Variants in RALYL observed in about 807,000 individuals in gnomAD.
RALYL encodes RALY RNA binding protein like, also known as RNA-binding Raly-like protein.
In RALYL, 29 loss-of-function variants were observed where a neutral mutation model predicts 35.1. That is an observed-to-expected ratio of 0.83 (90% CI 0.61 to 1.13). The LOEUF is 1.13. Ranked by LOEUF, RALYL falls within the 50% of genes most tolerant of loss-of-function variation. The pLI, the probability that RALYL is intolerant of heterozygous loss-of-function variation, is 0.00. For missense variants in RALYL, 359 were observed against 360.4 expected, an observed-to-expected ratio of 1.00 and a Z score of 0.03; for synonymous variants, 120 against 127.6, an observed-to-expected ratio of 0.94 and a Z score of 0.40.
intron 1 of RALYL, among the ~76,000 whole-genome samples, chr8:84,209,284 G>A (rs372722514): frequency 6.6e-6 from 1 of 152,232 alleles, no homozygotes; most frequent in South Asian, 2.1e-4. Context: ...CAAAACATAA[G>A]TGCTGGTTTT....
chr8:84,274,245 GC>G (rs1834906053), intron 1 of RALYL, among the ~76,000 whole-genome samples: 1 of 152,100 alleles, frequency 6.6e-6, no homozygotes, highest in Admixed American at 6.5e-5. Flanking sequence ...TACAAGTCTA[GC>G]AAAATGCCTT....
At chr8:84,524,048 G>A (rs925617331) in intron 1 of RALYL, among the ~76,000 whole-genome samples, 20 of 152,128 alleles carry the variant, frequency 1.3e-4, no homozygotes, top group African/African-American at 4.6e-4. Flanking sequence ...GGATGGCTGG[G>A]TCAAATGGTA....
At chr8:84,210,570 G>A (rs775247594) in intron 1 of RALYL, among the ~76,000 whole-genome samples, 1 of 151,822 alleles carries the variant, frequency 6.6e-6, no homozygotes, top group Non-Finnish European at 1.5e-5. Context: ...AGTATAAATC[G>A]CCTGCTCTTC....
At chr8:84,720,333 C>A (rs1338816361) in intron 2 of RALYL, among the ~76,000 whole-genome samples, 1 of 151,978 alleles carries the variant, frequency 6.6e-6, no homozygotes, top group Admixed American at 6.6e-5. Context: ...GAAAAGATAA[C>A]CCAGAAATAA....
chr8:84,597,906 G>A (rs577639207), intron 2 of RALYL, among the ~76,000 whole-genome samples: 1 of 152,230 alleles, frequency 6.6e-6, no homozygotes, highest in South Asian at 2.1e-4. Flanking sequence ...TACAGAGAAA[G>A]TTTGTTGATC....
At chr8:84,430,931 C>G (rs924257409) in intron 1 of RALYL, among the ~76,000 whole-genome samples, 1 of 152,144 alleles carries the variant, frequency 6.6e-6, no homozygotes, top group Non-Finnish European at 1.5e-5. Flanking sequence ...CACAGTCACT[C>G]AGCTGGGCTT....
chr8:84,342,670 A>G (rs1849082640), intron 1 of RALYL, among the ~76,000 whole-genome samples: 1 of 151,954 alleles, frequency 6.6e-6, no homozygotes, highest in Non-Finnish European at 1.5e-5. Context: ...CAGCTAGCCA[A>G]GGTAATGCAG....
intron 2 of RALYL, among the ~76,000 whole-genome samples, chr8:84,680,676 G>C (rs750958102): frequency 1.3e-5 from 2 of 152,016 alleles, no homozygotes; most frequent in East Asian, 1.9e-4. Context: ...CATATCCTTC[G>C]CCCACTTGTT....
intron 2 of RALYL, among the ~76,000 whole-genome samples, chr8:84,718,115 T>C (rs1413503604): frequency 2.0e-5 from 3 of 152,156 alleles, no homozygotes; most frequent in African/African-American, 7.2e-5. Flanking sequence ...TCTTGGGAAA[T>C]TTTATTATCT....
intron 1 of RALYL, among the ~76,000 whole-genome samples, chr8:84,335,336 C>T (rs2130781905): frequency 6.6e-6 from 1 of 152,216 alleles, no homozygotes; most frequent in South Asian, 2.1e-4. Flanking sequence ...TGTCTCAGTC[C>T]ATCAGCATAC....
intron 1 of RALYL, among the ~76,000 whole-genome samples, chr8:84,458,200 C>T (rs750253903): frequency 3.3e-5 from 5 of 151,670 alleles, no homozygotes; most frequent in Non-Finnish European, 5.9e-5. Context: ...CTAATAGTTC[C>T]TTGCATGTGA....
intron 5 of RALYL, among the ~76,000 whole-genome samples, chr8:84,860,286 T>C (rs1045805956): frequency 1.5e-4 from 23 of 152,218 alleles, no homozygotes. Flanking sequence ...ATTGGCTTGT[T>C]TAGTGAACCT....
intron 1 of RALYL, among the ~76,000 whole-genome samples, chr8:84,359,203 G>T (rs1385340359): frequency 6.7e-6 from 1 of 150,212 alleles, no homozygotes; most frequent in African/African-American, 2.4e-5. Context: ...GGTTTGGAGG[G>T]ACTTTGAACT....
At chr8:84,571,939 T>C (rs1016216138) in intron 2 of RALYL, among the ~76,000 whole-genome samples, 2 of 151,846 alleles carry the variant, frequency 1.3e-5, no homozygotes, top group Admixed American at 1.3e-4. Context: ...CCTCTTGGAA[T>C]TGATTTATAA....
At chr8:84,329,628 C>T (rs1586335968) in intron 1 of RALYL, among the ~76,000 whole-genome samples, 1 of 151,810 alleles carries the variant, frequency 6.6e-6, no homozygotes, top group African/African-American at 2.4e-5. Flanking sequence ...TAGGGTCCTG[C>T]AAGCTTGAGT....
At chr8:84,252,529 G>A (rs1443500395) in intron 1 of RALYL, among the ~76,000 whole-genome samples, 1 of 152,082 alleles carries the variant, frequency 6.6e-6, no homozygotes, top group African/African-American at 2.4e-5. Flanking sequence ...TATTCTGAAG[G>A]CATTCATATT....
intron 1 of RALYL, among the ~76,000 whole-genome samples, chr8:84,437,325 A>T (rs2047844859): frequency 6.6e-6 from 1 of 152,168 alleles, no homozygotes; most frequent in Non-Finnish European, 1.5e-5. Context: ...TGAACACACA[A>T]GTGCATGTGT....
intron 2 of RALYL, among the ~76,000 whole-genome samples, chr8:84,657,381 A>G (rs767868305): frequency 5.9e-5 from 9 of 152,228 alleles, no homozygotes; most frequent in Non-Finnish European, 1.0e-4. Flanking sequence ...TGCAGTTAAA[A>G]GAAAGCTTCT....
chr8:84,780,104 T>A (rs1817741669), intron 3 of RALYL, among the ~76,000 whole-genome samples: 1 of 152,170 alleles, frequency 6.6e-6, no homozygotes, highest in Non-Finnish European at 1.5e-5. Flanking sequence ...AAGCTTAATA[T>A]TTCCATTATC....
Sources: gnomAD v4.1 joint callset for allele counts (sites outside exome capture counted in the v4.1 genomes callset) on GRCh38, gnomAD v4.1.1 for gene constraint, MANE v1.5 for transcripts, NCBI Gene and HGNC (gene_info 2026-07-23, HGNC 2026-07-21) for gene names.